Variants in XRCC4 observed in about 807,000 individuals in gnomAD.
The protein encoded by XRCC4 is X-ray repair cross complementing 4.
Under a neutral mutation model 39.1 loss-of-function variants are expected in XRCC4, and 28 were observed. The observed-to-expected ratio is 0.72, with a 90% confidence interval of 0.53 to 0.98. The LOEUF is 0.98. XRCC4 is among the 50% of genes least tolerant of loss of function. XRCC4 has a pLI of 0.00. For synonymous variants in XRCC4, 123 were observed against 126.4 expected (o/e 0.97, Z 0.18); for missense variants, 350 against 376.4 (o/e 0.93, Z 0.58).
chr5:83,197,136 A>T (rs2174976), intron 4 of XRCC4, among the ~76,000 whole-genome samples: 54,890 of 151,254 alleles, frequency 0.36, 10,571 homozygotes, highest in Non-Finnish European at 0.43. Context: ...TAAATAATAT[A>T]AAAATGAGAC....
At chr5:83,155,436 A>G (rs1351775547) in intron 3 of XRCC4, among the ~76,000 whole-genome samples, 1 of 152,208 alleles carries the variant, frequency 6.6e-6, no homozygotes, top group Non-Finnish European at 1.5e-5. Flanking sequence ...CGTAAAAGGT[A>G]TGTGCAGGCA....
In XRCC4 at chr5:83,204,852, G is replaced by T; in HGVS notation, c.676G>T (p.Asp226Tyr). The T allele has an allele frequency of 6.2e-7, 1 of 1,612,308 alleles. No homozygotes were observed. The highest frequency in any genetic ancestry group is 1.7e-4 in the Middle Eastern group (1 of 6,052). Reference protein sequence around the residue: ...AICSEMTADRDPVYDESTDEE... With the variant: ...AICSEMTADRYPVYDESTDEE... The stretch of plus-strand genomic sequence containing the variant: ...CTGTTCTGAAATGACTGCTGACCGA[G>T]ATCCAGTCTATGATGAGAGTACTGA... The change falls in exon 6 of 8, where the codon GAT becomes TAT. Residue 226 changes from aspartate to tyrosine, a missense_variant. Transcript: ENST00000396027.
intron 7 of XRCC4, among the ~76,000 whole-genome samples, chr5:83,308,400 TTAA>T (rs1755564141): frequency 6.6e-6 from 1 of 152,186 alleles, no homozygotes; most frequent in Non-Finnish European, 1.5e-5. Flanking sequence ...CAGGAATAAG[TTAA>T]TAACATATTA....
chr5:83,278,768 C>T (rs1754425563), intron 7 of XRCC4, among the ~76,000 whole-genome samples: 1 of 151,696 alleles, frequency 6.6e-6, no homozygotes, highest in Non-Finnish European at 1.5e-5. Flanking sequence ...GGTGGATTAC[C>T]TGAGCTCAGG....
chr5:83,099,033 G>C (rs1388012484), intron 1 of XRCC4, among the ~76,000 whole-genome samples: 1 of 152,034 alleles, frequency 6.6e-6, no homozygotes, highest in East Asian at 1.9e-4. Flanking sequence ...CTTTTGGTTT[G>C]CAATTTAAAT....
chr5:83,164,163 A>G (rs1216948364), intron 3 of XRCC4, among the ~76,000 whole-genome samples: 2 of 152,276 alleles, frequency 1.3e-5, no homozygotes, highest in African/African-American at 4.8e-5. Flanking sequence ...TGCTATCTAT[A>G]TAAGAAATTA....
rs1031728219 is a variant in XRCC4, at chr5:83,118,191, A to G, written c.315+6988A>G. The stretch of plus-strand genomic sequence containing the variant: ...TCATTTCCCCTACTACTTAAATAGC[A>G]TAGAGGTTTATTTTTCAGTGATATA... On this transcript the variant is annotated intron_variant, in intron 3 of 7. Transcript: ENST00000396027. 5.9e-5 allele frequency among the ~76,000 whole-genome samples: 9 copies of G among 152,066 alleles called. 1 individual carries two copies. The highest frequency in any genetic ancestry group is 1.9e-4 in the African/African-American group (8 of 41,382).
chr5:83,331,451 G>A (rs1756435129), intron 7 of XRCC4, among the ~76,000 whole-genome samples: 1 of 151,996 alleles, frequency 6.6e-6, no homozygotes, highest in African/African-American at 2.4e-5. Flanking sequence ...TAAAGGGAGT[G>A]GAAATTAGTT....
At chr5:83,112,787 A>T (rs1746507223) in intron 3 of XRCC4, among the ~76,000 whole-genome samples, 1 of 152,048 alleles carries the variant, frequency 6.6e-6, no homozygotes, top group East Asian at 1.9e-4. Flanking sequence ...CATGAGACTT[A>T]TTCACTATCA....
At chr5:83,334,248 G>A (rs1223585163) in intron 7 of XRCC4, among the ~76,000 whole-genome samples, 1 of 152,040 alleles carries the variant, frequency 6.6e-6, no homozygotes, top group Admixed American at 6.6e-5. Flanking sequence ...AAGCATATAT[G>A]CTACTCTCTT....
intron 3 of XRCC4, among the ~76,000 whole-genome samples, chr5:83,129,696 T>G (rs1240220423): frequency 6.6e-6 from 1 of 152,088 alleles, no homozygotes; most frequent in Non-Finnish European, 1.5e-5. Context: ...TTCGCATCCC[T>G]TGTAAGTTGT....
At chr5:83,233,241 T>C (rs1031721492) in intron 6 of XRCC4, among the ~76,000 whole-genome samples, 1 of 152,178 alleles carries the variant, frequency 6.6e-6, no homozygotes, top group Non-Finnish European at 1.5e-5. Flanking sequence ...CTGATGTCAA[T>C]ATAAATCCTA....
chr5:83,094,400 C>G (rs1005166482), intron 1 of XRCC4, among the ~76,000 whole-genome samples: 19 of 136,740 alleles, frequency 1.4e-4, no homozygotes, highest in African/African-American at 5.1e-4. Context: ...CCCCTCTTCT[C>G]CTCTCCCCTC....
chr5:83,085,795 A>G (rs1359750629), intron 1 of XRCC4, among the ~76,000 whole-genome samples: 1 of 152,212 alleles, frequency 6.6e-6, no homozygotes, highest in Admixed American at 6.5e-5. Flanking sequence ...TGCACTTTAG[A>G]TGTGATAAGG....
chr5:83,130,310 G>A (rs1206549178), intron 3 of XRCC4, among the ~76,000 whole-genome samples: 1 of 152,176 alleles, frequency 6.6e-6, no homozygotes, highest in Non-Finnish European at 1.5e-5. Flanking sequence ...GCATCCCAGG[G>A]ATGAAGTCAA....
intron 3 of XRCC4, among the ~76,000 whole-genome samples, chr5:83,118,163 C>G (rs1175507694): frequency 6.6e-6 from 1 of 151,958 alleles, no homozygotes; most frequent in Non-Finnish European, 1.5e-5. Flanking sequence ...TATTTCTTTA[C>G]CCTCATTTCC....
At chr5:83,357,453 G>C (rs1397713565), downstream of XRCC4, among the ~76,000 whole-genome samples, 1 of 152,130 alleles carries the variant, frequency 6.6e-6, no homozygotes, top group Non-Finnish European at 1.5e-5. Context: ...GAGAAATCGG[G>C]GGGGTTGGAG....
chr5:83,110,411 T>C (rs1746387005), intron 2 of XRCC4, among the ~76,000 whole-genome samples: 1 of 152,060 alleles, frequency 6.6e-6, no homozygotes, highest in Non-Finnish European at 1.5e-5. Context: ...ATCTCAATGA[T>C]AGTAAAACAT....
intron 3 of XRCC4, among the ~76,000 whole-genome samples, chr5:83,153,251 C>T (rs1748802460): frequency 6.7e-6 from 1 of 149,424 alleles, no homozygotes; most frequent in Non-Finnish European, 1.5e-5. Flanking sequence ...CTCTGTCACT[C>T]AGGCTGGAGT....
Sources: allele counts gnomAD v4.1 joint callset (sites outside exome capture counted in the v4.1 genomes callset), GRCh38; gene constraint gnomAD v4.1.1; transcripts MANE v1.5; gene names NCBI Gene and HGNC (gene_info 2026-07-23, HGNC 2026-07-21).